Variants in AFG3L2 observed in about 807,000 individuals in gnomAD.
The protein encoded by AFG3L2 is AFG3 like matrix AAA peptidase subunit 2.
In AFG3L2, 54 loss-of-function variants were observed where a neutral mutation model predicts 94.5. That is an observed-to-expected ratio of 0.57 (90% CI 0.46 to 0.72). The LOEUF is 0.72. Among genes scored for constraint, AFG3L2 ranks in the 30% least tolerant of loss-of-function variants. The pLI, the probability that AFG3L2 is intolerant of heterozygous loss-of-function variation, is 0.00. For synonymous variants in AFG3L2, 377 were observed against 365.5 expected, an observed-to-expected ratio of 1.03 and a Z score of -0.36; for missense variants, 754 against 994.9, an observed-to-expected ratio of 0.76 and a Z score of 3.26.
chr18:12,355,786 A>T (rs2143182094), intron 9 of AFG3L2, among the ~76,000 whole-genome samples: 1 of 151,890 alleles, frequency 6.6e-6, no homozygotes, highest in South Asian at 2.1e-4. Context: ...CTCCTGCCTC[A>T]GCCTCCCAAG....
intron 1 of AFG3L2, among the ~76,000 whole-genome samples, chr18:12,373,705 CAGG>C (rs1483753478): frequency 6.6e-6 from 1 of 152,134 alleles, no homozygotes; most frequent in Non-Finnish European, 1.5e-5. Context: ...CAAATTATGG[CAGG>C]AGAAGGTGCT....
At position 12,371,622 on chromosome 18, in the gene AFG3L2, A is replaced by G. The variant is rs374268503; in HGVS notation, c.184T>C (p.Tyr62His). 1.2e-6 allele frequency: 2 copies of G among 1,614,116 alleles called. No homozygotes were observed. The highest frequency in any genetic ancestry group is 1.1e-5 in the South Asian group (1 of 91,080). ...GGGGGTCGAGAACAGAATCTTTGATAAGCAGCAATTATATCTGTCAAAAGA... is the reference window on the plus strand; with the variant it reads ...GGGGGTCGAGAACAGAATCTTTGATGAGCAGCAATTATATCTGTCAAAAGA... Reference protein sequence around the residue: ...NSLLTDIIAAYQRFCSRPPKG... With the variant: ...NSLLTDIIAAHQRFCSRPPKG... The change falls in exon 2 of 17, where the codon TAT (tyrosine) becomes CAT (histidine). Residue 62 changes from tyrosine to histidine, a missense_variant. This residue lies in a region of AFG3L2 where 236 missense variants were observed against 214.0 expected (regional missense o/e 1.10). Transcript: ENST00000269143.
intron 1 of AFG3L2, among the ~76,000 whole-genome samples, chr18:12,375,696 C>A (rs1289299055): frequency 6.6e-6 from 1 of 152,206 alleles, no homozygotes; most frequent in Non-Finnish European, 1.5e-5. Flanking sequence ...CAGGCGCCCG[C>A]CACCACGCCC....
In AFG3L2 at chr18:12,356,724, C is replaced by T. The variant is rs755547045; in HGVS notation, c.1134G>A (p.Leu378=). ...CAGGGCCCACACCAACGAACATCTC[C>T]AAAAACTCAGATCCACTAACGGTGA... ...PFITVSGSEF[L]EMFVGVGPAR... Residue 378 remains leucine (L), a synonymous_variant, in exon 9 of 17, where the codon TTG becomes TTA. Coordinates refer to ENST00000269143, the MANE Select transcript of AFG3L2 (RefSeq NM_006796.3). 2 of 1,614,224 alleles carry T rather than the reference C, an allele frequency of 1.2e-6. No homozygotes were observed. Among genetic ancestry groups the T allele is most frequent in the Non-Finnish European group, 1.7e-6 (2 of 1,180,048 alleles).
chr18:12,367,046 G>A lies in AFG3L2; in HGVS notation c.471C>T (p.Val157=). ...ATCTCTTGAGCAGCAAGTAAAACAT[G>A]ACTCCACCCCAGAACAGAGCAGTCC... is the stretch of plus-strand genomic sequence containing the variant. ...FLWTALFWGG[V]MFYLLLKRSG... Residue 157 remains valine (V), a synonymous_variant, in exon 5 of 17, where the codon GTC becomes GTT. Transcript: ENST00000269143. 1 of 1,614,172 alleles carries A rather than the reference G, an allele frequency of 6.2e-7. No homozygotes were observed. The highest frequency in any genetic ancestry group is 8.5e-7 in the Non-Finnish European group (1 of 1,180,006).
In AFG3L2 at chr18:12,337,014, C is replaced by T. The variant is rs139118937; in HGVS notation, c.2175+327G>A. 259 of 519,560 alleles carry T rather than the reference C, an allele frequency of 5.0e-4. No individual in the cohort carries two copies. In the East Asian group the frequency reaches 7.2e-3, roughly 14 times the overall value. 32.2% of individuals were successfully genotyped at this position (519,560 alleles called of 1,614,324 possible). On this transcript the variant is annotated intron_variant, in intron 16 of 16. Transcript: ENST00000269143. ...AGGTGAAACACAATGGTAAACCAGG[C>T]AATCATGCTTCTCATTAGGAGTACT...
intron 16 of AFG3L2, among the ~76,000 whole-genome samples, chr18:12,332,648 C>A (rs1322445496): frequency 6.7e-6 from 1 of 149,394 alleles, no homozygotes; most frequent in Non-Finnish European, 1.5e-5. Context: ...AAGAAAATCC[C>A]AGATGTCATA....
Position 12,377,204 on chromosome 18 carries a change from G to A in AFG3L2, c.-122C>T. 4 of 752,580 alleles carry A rather than the reference G, an allele frequency of 5.3e-6. No homozygotes were observed. The highest frequency in any genetic ancestry group is 8.3e-6 in the Non-Finnish European group (4 of 483,256). The allele number at this position is 752,580 out of a possible 1,614,324, so 46.6% of individuals were successfully genotyped here. ...CGCCAGGCAGCGAAGCGCGCCGGCG[G>A]CTCACGGAGGAGCCCAAGCTCTCAA... On this transcript the variant is annotated 5_prime_UTR_variant, in exon 1 of 17. Coordinates refer to ENST00000269143, the MANE Select transcript of AFG3L2 (RefSeq NM_006796.3).
At chr18:12,367,448 A>G (rs1908843139) in intron 3 of AFG3L2, 66 bp from the exon 4 acceptor site, 2 of 1,427,350 alleles carry the variant, frequency 1.4e-6, no homozygotes, top group South Asian at 1.1e-5. Flanking sequence ...CAATGTCTTC[A>G]TGTATACGGT....
chr18:12,357,148 T>C (rs1007364644), intron 8 of AFG3L2, among the ~76,000 whole-genome samples: 3 of 152,222 alleles, frequency 2.0e-5, no homozygotes, highest in African/African-American at 7.2e-5. Context: ...CTAATAAATC[T>C]GCTAAGGTTT....
chr18:12,348,400 G>C lies in AFG3L2; in HGVS notation c.1553-17C>G, dbSNP rs369810142. 8 of 1,605,476 alleles carry C rather than the reference G, an allele frequency of 5.0e-6. No homozygotes were observed. The highest frequency in any genetic ancestry group is 1.6e-4 in the Middle Eastern group (1 of 6,064). Reference sequence around the variant, plus strand: ...CATCAGCACCTAAAAAATGAACACAGAACAGCTTACCCACCGAAATACGCC... The same window carrying C: ...CATCAGCACCTAAAAAATGAACACACAACAGCTTACCCACCGAAATACGCC... On this transcript the variant is annotated splice_polypyrimidine_tract_variant and intron_variant, in intron 12 of 16. Transcript: ENST00000269143.
intron 15 of AFG3L2, 104 bp from the exon 16 acceptor site, chr18:12,337,639 G>A: frequency 9.7e-7 from 1 of 1,034,494 alleles, no homozygotes; most frequent in South Asian, 1.3e-5. Context: ...GGTGCTCTGT[G>A]TAGCCAGCAG....
intron 3 of AFG3L2, among the ~76,000 whole-genome samples, chr18:12,368,323 C>T (rs114653966): frequency 1.3e-5 from 2 of 152,236 alleles, no homozygotes; most frequent in East Asian, 1.9e-4. Flanking sequence ...TGTACCACTG[C>T]ACTCCAGCCT....
In AFG3L2 at chr18:12,351,104, A is replaced by G; in HGVS notation, c.1533T>C (p.Ser511=). ...ACTCACCTGAAAACCCTGGAGTTAAAGATGCCAGTTTTCTTGCCAATTTAT... is the reference window on the plus strand; with the variant it reads ...ACTCACCTGAAAACCCTGGAGTTAAGGATGCCAGTTTTCTTGCCAATTTAT... ...EKDKLARKLA[S]LTPGFSGADV... The change falls in exon 12 of 17, where the codon TCT becomes TCC. Residue 511 remains serine (S), a synonymous_variant. Transcript: ENST00000269143. 1.2e-6 allele frequency: 2 copies of G among 1,613,240 alleles called. No individual in the cohort carries two copies. The highest frequency in any genetic ancestry group is 8.5e-7 in the Non-Finnish European group (1 of 1,180,020).
rs1296733919 is a variant in AFG3L2, at chr18:12,336,976, C to T, written c.2175+365G>A. 5 of 479,564 alleles carry T rather than the reference C, an allele frequency of 1.0e-5. No individual in the cohort carries two copies. In the South Asian group the frequency reaches 1.6e-4, roughly 16 times the overall value. 29.7% of individuals were successfully genotyped at this position (479,564 alleles called of 1,614,324 possible). On this transcript the variant is annotated intron_variant, in intron 16 of 16. Transcript: ENST00000269143. Reference sequence around the variant, plus strand: ...TACTTGCCCTTTCATCTTTCACTACCTATTTATTTTAGAGGTGAAACACAA... The same window carrying T: ...TACTTGCCCTTTCATCTTTCACTACTTATTTATTTTAGAGGTGAAACACAA...
chr18:12,342,681 A>G (rs1475148648), intron 14 of AFG3L2: 5 of 152,082 alleles, frequency 3.3e-5, no homozygotes, highest in Middle Eastern at 6.3e-3. Flanking sequence ...AGTTCTTATG[A>G]CCTGTTTCAA....
At chr18:12,335,029 G>A (rs538957701) in intron 16 of AFG3L2, among the ~76,000 whole-genome samples, 1 of 152,178 alleles carries the variant, frequency 6.6e-6, no homozygotes, top group African/African-American at 2.4e-5. Context: ...CACAAGAGCT[G>A]CCTTCCTATT....
intron 8 of AFG3L2, 98 bp from the exon 9 acceptor site, chr18:12,356,929 C>T: frequency 8.3e-7 from 1 of 1,207,318 alleles, no homozygotes; most frequent in Non-Finnish European, 1.2e-6. Flanking sequence ...GTCTCTAAAT[C>T]TTATTGATAT....
chr18:12,374,711 A>G (rs1470490155), intron 1 of AFG3L2, among the ~76,000 whole-genome samples: 1 of 152,194 alleles, frequency 6.6e-6, no homozygotes, highest in Non-Finnish European at 1.5e-5. Flanking sequence ...CAAACTCACA[A>G]TGCAGATCCC....
Sources: gnomAD v4.1 joint callset for allele counts (sites outside exome capture counted in the v4.1 genomes callset) on GRCh38, gnomAD v4.1.1 for gene constraint, gnomAD v4.1.1 regional missense constraint, MANE v1.5 for transcripts, NCBI Gene and HGNC (gene_info 2026-07-23, HGNC 2026-07-21) for gene names.